TMEM40: variants seen among roughly 807,000 people sequenced by gnomAD.
The protein encoded by TMEM40 is transmembrane protein 40.
TMEM40 carries 34 observed loss-of-function variants against 40.8 expected under a neutral mutation model. The ratio of observed to expected loss-of-function variants is 0.83; its 90% confidence interval spans 0.63 to 1.11. TMEM40 has a LOEUF of 1.11. Ranked by LOEUF, TMEM40 falls within the 50% of genes least tolerant of loss-of-function variation. The probability of loss-of-function intolerance (pLI) is 0.00; values close to 1 mark genes in which losing one functional copy is unlikely to be tolerated. For missense variants in TMEM40, 296 were observed against 280.2 expected, an observed-to-expected ratio of 1.06 and a Z score of -0.40; for synonymous variants, 106 against 107.0, an observed-to-expected ratio of 0.99 and a Z score of 0.06.
upstream of TMEM40, among the ~76,000 whole-genome samples, chr3:12,763,036 C>G (rs192647098): frequency 4.6e-5 from 7 of 150,648 alleles, no homozygotes; most frequent in South Asian, 2.1e-4. Flanking sequence ...GGCGGGCTCC[C>G]GTAGTCCCAG....
intron 1 of TMEM40, among the ~76,000 whole-genome samples, chr3:12,751,313 C>T (rs1043119985): frequency 2.7e-5 from 4 of 149,714 alleles, no homozygotes; most frequent in Non-Finnish European, 5.9e-5. Flanking sequence ...TGGAGTCTCG[C>T]TTCTGTCGCC....
chr3:12,735,591 C>T lies in TMEM40; in HGVS notation c.646G>A (p.Gly216Ser). Reference sequence around the variant, plus strand: ...AACTTCTGGAAGAGGGGGATGAAGCCTTGGAGGACGCTGTGGATACGGTAC... The same window carrying T: ...AACTTCTGGAAGAGGGGGATGAAGCTTTGGAGGACGCTGTGGATACGGTAC... ...LVYRIHSVLQ[G>S]FIPLFQKFRL... The change falls in exon 11 of 12, where the codon GGC becomes AGC. Residue 216 changes from glycine to serine, a missense_variant. Coordinates refer to ENST00000314124, the MANE Select transcript of TMEM40 (RefSeq NM_018306.4). 6.2e-7 allele frequency: 1 copy of T among 1,613,330 alleles called. No individual in the cohort carries two copies. The highest frequency in any genetic ancestry group is 8.5e-7 in the Non-Finnish European group (1 of 1,179,794).
chr3:12,739,940 C>T (rs2061368228), intron 5 of TMEM40, among the ~76,000 whole-genome samples: 1 of 150,734 alleles, frequency 6.6e-6, no homozygotes, highest in Non-Finnish European at 1.5e-5. Flanking sequence ...CTTCCTGCCT[C>T]AGCCTCCCAA....
At chr3:12,748,814 G>A in intron 2 of TMEM40, 22 bp from the exon 3 acceptor site, 2 of 1,610,784 alleles carry the variant, frequency 1.2e-6, no homozygotes, top group Non-Finnish European at 1.7e-6. Context: ...ACAGAGGCCA[G>A]GGGATGAGCG....
chr3:12,747,601 G>A (rs1259916227), intron 3 of TMEM40, among the ~76,000 whole-genome samples: 1 of 152,042 alleles, frequency 6.6e-6, no homozygotes, highest in African/African-American at 2.4e-5. Context: ...GAATAATGTG[G>A]TTATTTGTAA....
At chr3:12,750,012 T>A (rs984832091) in intron 1 of TMEM40, among the ~76,000 whole-genome samples, 172 bp from the exon 2 acceptor site, 17 of 151,588 alleles carry the variant, frequency 1.1e-4, no homozygotes, top group African/African-American at 4.1e-4. Context: ...GCCGGGGTAG[T>A]GGAGGGAGGA....
At chr3:12,756,445 A>C in intron 1 of TMEM40, among the ~76,000 whole-genome samples, 1 of 152,176 alleles carries the variant, frequency 6.6e-6, no homozygotes, top group Middle Eastern at 3.2e-3. Flanking sequence ...ATACTAGGGG[A>C]TGCTAGTCCT....
intron 1 of TMEM40, among the ~76,000 whole-genome samples, chr3:12,768,935 GGGGGGGGCGGGGGGGGC>G (rs1575750702): frequency 4.0e-5 from 1 of 25,230 alleles, no homozygotes; most frequent in East Asian, 4.4e-4. Flanking sequence ...GGGGCGGGGC[GGGGGGGGCGGGGGGGGC>G]GGGGGGGCGC....
At chr3:12,735,975 C>T (rs577572676) in intron 10 of TMEM40, among the ~76,000 whole-genome samples, 7 of 151,904 alleles carry the variant, frequency 4.6e-5, no homozygotes, top group African/African-American at 1.4e-4. Flanking sequence ...AATCCTCTTG[C>T]CCCAATCTCC....
chr3:12,759,793 C>T (rs1450722292), upstream of TMEM40, among the ~76,000 whole-genome samples: 1 of 152,166 alleles, frequency 6.6e-6, no homozygotes, highest in Non-Finnish European at 1.5e-5. Flanking sequence ...ACCCACTCGC[C>T]TTGTGCAAGT....
In TMEM40 at chr3:12,734,670, G is replaced by T; in HGVS notation, c.*104C>A. The T allele has an allele frequency of 2.3e-6, 3 of 1,287,450 alleles. No individual in the cohort carries two copies. Among genetic ancestry groups the T allele is most frequent in the Non-Finnish European group, 3.3e-6 (3 of 919,220 alleles). 79.8% of individuals were successfully genotyped at this position (1,287,450 alleles called of 1,614,324 possible). On this transcript the variant is annotated 3_prime_UTR_variant, in exon 12 of 12. Coordinates refer to ENST00000314124, the MANE Select transcript of TMEM40 (RefSeq NM_018306.4). ...AGTGTTCTGTTTATTGGTCTGGCTT[G>T]GTCTCCTGTGCGTCTCTCAGAATGC... is the stretch of plus-strand genomic sequence containing the variant.
intron 1 of TMEM40, among the ~76,000 whole-genome samples, chr3:12,755,239 CTTTCTTTCTTTCTTTCTTTCTT>C (rs2061516984): frequency 2.3e-5 from 2 of 88,862 alleles, no homozygotes; most frequent in African/African-American, 1.2e-4. Flanking sequence ...CTCTCTCTTT[CTTTCTTTCTTTCTTTCTTTCTT>C]TCTTTCTTTC....
chr3:12,760,105 C>T (rs553534705), upstream of TMEM40, among the ~76,000 whole-genome samples: 4 of 152,148 alleles, frequency 2.6e-5, no homozygotes, highest in Admixed American at 6.5e-5. Flanking sequence ...TCTGGAAAAT[C>T]CTGTTGGTCC....
intron 3 of TMEM40, among the ~76,000 whole-genome samples, chr3:12,747,985 A>G (rs1234553215): frequency 6.6e-6 from 1 of 151,572 alleles, no homozygotes; most frequent in East Asian, 1.9e-4. Flanking sequence ...ACTTGCAAGG[A>G]CTCAATACTT....
At chr3:12,742,006 C>A (rs570301078) in intron 5 of TMEM40, among the ~76,000 whole-genome samples, 1 of 152,026 alleles carries the variant, frequency 6.6e-6, no homozygotes. Flanking sequence ...CCGAGGCGGG[C>A]GGATCAGGAG....
intron 10 of TMEM40, 93 bp from the exon 11 acceptor site, chr3:12,735,710 A>C (rs2061332477): frequency 9.6e-7 from 1 of 1,045,016 alleles, no homozygotes. Context: ...CATGCAAACA[A>C]AGCTCTGATG....
chr3:12,738,332 C>T (rs2061353700), intron 6 of TMEM40, among the ~76,000 whole-genome samples, 164 bp from the exon 7 acceptor site: 1 of 152,210 alleles, frequency 6.6e-6, no homozygotes, highest in Admixed American at 6.5e-5. Flanking sequence ...GTTGTAATCT[C>T]CTGGGGTCTT....
At chr3:12,745,208 C>T (rs2061417810) in intron 3 of TMEM40, among the ~76,000 whole-genome samples, 1 of 149,488 alleles carries the variant, frequency 6.7e-6, no homozygotes, top group Non-Finnish European at 1.5e-5. Context: ...TACAGGCGTG[C>T]ACCACCACAC....
chr3:12,751,307 G>T (rs1348944556), intron 1 of TMEM40, among the ~76,000 whole-genome samples: 1 of 149,142 alleles, frequency 6.7e-6, no homozygotes, highest in Non-Finnish European at 1.5e-5. Flanking sequence ...TTGAGATGGA[G>T]TCTCGCTTCT....
Sources: gnomAD v4.1 joint callset for allele counts (sites outside exome capture counted in the v4.1 genomes callset) on GRCh38, gnomAD v4.1.1 for gene constraint, MANE v1.5 for transcripts, NCBI Gene and HGNC (gene_info 2026-07-23, HGNC 2026-07-21) for gene names.